EPHA5: variants seen among roughly 807,000 people sequenced by gnomAD.
EPHA5 encodes ephrin type-A receptor 5.
EPHA5 carries 60 observed loss-of-function variants against 105.0 expected under a neutral mutation model. The ratio of observed to expected loss-of-function variants is 0.57; its 90% confidence interval spans 0.46 to 0.71. EPHA5 has a LOEUF of 0.71. EPHA5 is among the 30% of genes least tolerant of loss of function. The pLI is 0.00. For missense variants in EPHA5, 1,218 were observed against 1,274.7 expected (o/e 0.96, Z 0.68); for synonymous variants, 513 against 449.1 (o/e 1.14, Z -1.80).
chr4:65,498,536 C>T (rs1399184970), intron 3 of EPHA5, among the ~76,000 whole-genome samples: 1 of 151,804 alleles, frequency 6.6e-6, no homozygotes, highest in Non-Finnish European at 1.5e-5. Flanking sequence ...GACAATGTCA[C>T]TTAACCAGAG....
chr4:65,344,327 A>C (rs989394708), intron 14 of EPHA5, among the ~76,000 whole-genome samples: 4 of 152,172 alleles, frequency 2.6e-5, no homozygotes, highest in Non-Finnish European at 5.9e-5. Flanking sequence ...ATACTAATAC[A>C]GACCCACTGG....
intron 5 of EPHA5, among the ~76,000 whole-genome samples, chr4:65,484,067 G>A (rs986552826): frequency 6.6e-6 from 1 of 152,046 alleles, no homozygotes; most frequent in African/African-American, 2.4e-5. Context: ...AGGCAATGTG[G>A]TTTCTCCACT....
rs796600075 is a variant in EPHA5, at chr4:65,575,998, GAGAGAAAGAAAGAAAGAA to G, written c.910+25625_910+25642del. On this transcript the variant is annotated intron_variant, in intron 3 of 16. Coordinates refer to ENST00000613740, the MANE Select transcript of EPHA5 (RefSeq NM_001281766.3). ...CAAAAAAGAAAGAGAGAGAGAGAGA[GAGAGAAAGAAAGAAAGAA>G]AGAAAGAAAGAAAGAAAGAAAGAAA... Among the ~76,000 whole-genome samples, 296 of 81,886 alleles carry G rather than the reference GAGAGAAAGAAAGAAAGAA, an allele frequency of 3.6e-3. 14 individuals carry two copies. In the East Asian group the frequency reaches 0.07, roughly 19 times the overall value. The allele number at this position is 81,886 out of a possible 152,430, so 53.7% of individuals were successfully genotyped here.
intron 1 of EPHA5, among the ~76,000 whole-genome samples, chr4:65,656,502 AT>A (rs899567758): frequency 2.4e-4 from 36 of 149,804 alleles, no homozygotes; most frequent in Admixed American, 6.7e-4. Flanking sequence ...TATTTATATT[AT>A]TTTTATATCT....
chr4:65,442,046 G>T (rs949023915), intron 5 of EPHA5, among the ~76,000 whole-genome samples: 1 of 151,758 alleles, frequency 6.6e-6, no homozygotes, highest in Non-Finnish European at 1.5e-5. Flanking sequence ...ACATAAACAG[G>T]CTATGTATAA....
chr4:65,543,421 C>G (rs1473060466), intron 3 of EPHA5, among the ~76,000 whole-genome samples: 14 of 151,954 alleles, frequency 9.2e-5, no homozygotes, highest in Admixed American at 9.2e-4. Context: ...CATTCCTATA[C>G]ACCAACAATA....
intron 8 of EPHA5, among the ~76,000 whole-genome samples, chr4:65,396,175 A>T (rs1209833610): frequency 6.6e-6 from 1 of 152,210 alleles, no homozygotes; most frequent in Non-Finnish European, 1.5e-5. Flanking sequence ...AAAGTTGAGG[A>T]TAAGCTTGGG....
At chr4:65,378,239 T>TA (rs148501906) in intron 8 of EPHA5, among the ~76,000 whole-genome samples, 28,658 of 151,844 alleles carry the variant, frequency 0.19, 3,611 homozygotes, top group African/African-American at 0.36. Context: ...GAAATTCTAA[T>TA]AAAAATTGCT....
intron 5 of EPHA5, among the ~76,000 whole-genome samples, chr4:65,433,681 A>G (rs1292482788): frequency 1.3e-5 from 2 of 152,154 alleles, no homozygotes; most frequent in Non-Finnish European, 2.9e-5. Context: ...TTTCTTCTGG[A>G]GGCTTCAGCA....
chr4:65,584,785 G>A lies in EPHA5; in HGVS notation c.910+16856C>T, dbSNP rs1296667008. Among the ~76,000 whole-genome samples, 6 of 151,848 alleles carry A rather than the reference G, an allele frequency of 4.0e-5. No homozygotes were observed. The East Asian group carries it at 1.2e-3, about 29-fold the overall frequency. ...AAGGATCAAGTGCCTAAGTGTTCTTGAGATTTTTAATCAAAATAACTTATG... is the reference window on the plus strand; with the variant it reads ...AAGGATCAAGTGCCTAAGTGTTCTTAAGATTTTTAATCAAAATAACTTATG... On this transcript the variant is annotated intron_variant, in intron 3 of 16. Coordinates refer to ENST00000613740, the MANE Select transcript of EPHA5 (RefSeq NM_001281766.3).
intron 3 of EPHA5, among the ~76,000 whole-genome samples, chr4:65,546,382 A>G (rs964891264): frequency 4.6e-5 from 7 of 152,022 alleles, no homozygotes; most frequent in Non-Finnish European, 7.4e-5. Context: ...ATATGTTAAT[A>G]TTTGAGAGTT....
At chr4:65,628,516 T>A (rs1746346110) in intron 2 of EPHA5, among the ~76,000 whole-genome samples, 1 of 152,150 alleles carries the variant, frequency 6.6e-6, no homozygotes, top group African/African-American at 2.4e-5. Context: ...TTATATATGT[T>A]ATTTTGATCA....
chr4:65,469,806 A>C (rs1387832258), intron 5 of EPHA5, among the ~76,000 whole-genome samples: 1 of 152,216 alleles, frequency 6.6e-6, no homozygotes, highest in African/African-American at 2.4e-5. Context: ...AATTTAAAGA[A>C]TATGTAAGAA....
chr4:65,531,527 AAT>A (rs1735797387), intron 3 of EPHA5, among the ~76,000 whole-genome samples: 2 of 146,136 alleles, frequency 1.4e-5, no homozygotes, highest in South Asian at 4.2e-4. Context: ...GTCTTTGCAG[AAT>A]GACCATGATC....
chr4:65,351,246 A>T, intron 13 of EPHA5, 143 bp downstream of exon 13: 1 of 690,780 alleles, frequency 1.4e-6, no homozygotes. Context: ...TTGACTTTTG[A>T]TTTTCTCTCT....
At chr4:65,570,999 T>C (rs946215572) in intron 3 of EPHA5, among the ~76,000 whole-genome samples, 3 of 152,064 alleles carry the variant, frequency 2.0e-5, no homozygotes, top group African/African-American at 7.2e-5. Context: ...ATTGATTTCA[T>C]TCTCTCCCTT....
intron 16 of EPHA5, among the ~76,000 whole-genome samples, chr4:65,327,077 A>C (rs1349450): frequency 0.93 from 140,149 of 150,996 alleles, 65,751 homozygotes; most frequent in Non-Finnish European, 1. Context: ...AATCTTCTAG[A>C]TATGACTTGA....
intron 2 of EPHA5, among the ~76,000 whole-genome samples, chr4:65,641,604 T>C (rs1415212583): frequency 6.6e-6 from 1 of 152,152 alleles, no homozygotes; most frequent in Non-Finnish European, 1.5e-5. Flanking sequence ...ATACATTTTT[T>C]CCTTCATTTT....
At position 65,420,502 on chromosome 4, in the gene EPHA5, C is replaced by G. The variant is rs370102571; in HGVS notation, c.1466G>C (p.Trp489Ser). Reference protein sequence around the residue: ...KIAKNSISLSWQEPDRPNGII... With the variant: ...KIAKNSISLSSQEPDRPNGII... Reference sequence around the variant, plus strand: ...TCCATTGGGACGATCTGGTTCTTGCCAAGACAAAGAGATGCTGTTTTTTGC... The same window carrying G: ...TCCATTGGGACGATCTGGTTCTTGCGAAGACAAAGAGATGCTGTTTTTTGC... Residue 489 changes from tryptophan to serine, a missense_variant, in exon 6 of 17, where the codon TGG (tryptophan) becomes TCG (serine). Trp to Ser is a radical substitution (Grantham distance 177). Coordinates refer to ENST00000613740, the MANE Select transcript of EPHA5 (RefSeq NM_001281766.3). 6.2e-7 allele frequency: 1 copy of G among 1,612,886 alleles called. No individual in the cohort carries two copies. The highest frequency in any genetic ancestry group is 8.5e-7 in the Non-Finnish European group (1 of 1,179,430).
Sources: allele counts gnomAD v4.1 joint callset (sites outside exome capture counted in the v4.1 genomes callset), GRCh38; gene constraint gnomAD v4.1.1; transcripts MANE v1.5; gene names NCBI Gene and HGNC (gene_info 2026-07-23, HGNC 2026-07-21).